Variants in SPATA13 observed in about 807,000 individuals in gnomAD.
SPATA13 encodes the protein spermatogenesis-associated protein 13.
In SPATA13, 50 loss-of-function variants were observed where a neutral mutation model predicts 104.0. That is an observed-to-expected ratio of 0.48 (90% CI 0.38 to 0.61). The LOEUF is 0.61. SPATA13 is among the 20% of genes least tolerant of loss of function. SPATA13 has a pLI of 0.00. For synonymous variants in SPATA13, 606 were observed against 667.5 expected, an observed-to-expected ratio of 0.91 and a Z score of 1.42; for missense variants, 1,524 against 1,690.6, an observed-to-expected ratio of 0.90 and a Z score of 1.73.
At chr13:24,082,849 A>AAG (rs1555260313) in intron 3 of SPATA13, among the ~76,000 whole-genome samples, 2 of 150,994 alleles carry the variant, frequency 1.3e-5, no homozygotes, top group African/African-American at 2.4e-5. Flanking sequence ...AAAAAAAAAA[A>AAG]AAAAATAAGA....
Position 24,251,879 on chromosome 13 carries a change from CT to C in SPATA13, c.2164+20del. 1 of 1,609,506 alleles carries C rather than the reference CT, an allele frequency of 6.2e-7. No individual in the cohort carries two copies. Among genetic ancestry groups the C allele is most frequent in the Non-Finnish European group, 8.5e-7 (1 of 1,176,928 alleles). On this transcript the variant is annotated intron_variant, in intron 4 of 12. Coordinates refer to ENST00000382108, the MANE Select transcript of SPATA13 (RefSeq NM_001166271.3). ...CATCCAACGGTGAGTCTCAGAGTCC[CT>C]TTCCTTTCAGAGCTGCTATGGGCCC...
intron 4 of SPATA13, among the ~76,000 whole-genome samples, chr13:24,268,980 CAT>C (rs377435969): frequency 1.4e-4 from 21 of 152,298 alleles, no homozygotes; most frequent in African/African-American, 5.1e-4. Flanking sequence ...ATATAGTCAA[CAT>C]GTGTGTTATT....
intron 3 of SPATA13, among the ~76,000 whole-genome samples, chr13:24,052,643 G>A (rs1878384372): frequency 1.3e-5 from 2 of 151,532 alleles, no homozygotes; most frequent in African/African-American, 2.4e-5. Context: ...CATGGAAAAT[G>A]GAAAGGATGT....
At chr13:24,278,120 G>C (rs1340568200) in intron 4 of SPATA13, among the ~76,000 whole-genome samples, 1 of 152,136 alleles carries the variant, frequency 6.6e-6, no homozygotes, top group African/African-American at 2.4e-5. Flanking sequence ...CAGGACATAC[G>C]GCTGCTCTCC....
chr13:24,194,150 A>G (rs1324120022), intron 1 of SPATA13, among the ~76,000 whole-genome samples: 1 of 152,128 alleles, frequency 6.6e-6, no homozygotes, highest in Non-Finnish European at 1.5e-5. Context: ...AGACATTGAG[A>G]CACCTTGTAG....
chr13:24,098,780 A>C (rs1477922570), intron 3 of SPATA13, among the ~76,000 whole-genome samples: 3 of 151,680 alleles, frequency 2.0e-5, no homozygotes, highest in Admixed American at 6.6e-5. Flanking sequence ...CACAAAAATT[A>C]GCTGGGCATT....
rs970339457 is a variant in SPATA13, at chr13:24,223,848, C to G, written c.919C>G (p.Arg307Gly). 8.4e-6 allele frequency: 13 copies of G among 1,551,636 alleles called. No individual in the cohort carries two copies. Among genetic ancestry groups the G allele is most frequent in the Non-Finnish European group, 1.1e-5 (13 of 1,147,014 alleles). The part of the protein sequence containing the change: ...SQKLGSGRTK[R>G]WRSPIRAKDF... ...AAAGCTTGGGTCAGGAAGGACCAAA[C>G]GCTGGAGGAGCCCGATAAGGGCCAA... Residue 307 changes from arginine (R) to glycine (G), a missense_variant, in exon 2 of 13, where the codon CGC (arginine) becomes GGC (glycine). This residue lies in a region of SPATA13 where 1,089 missense variants were observed against 1,135.9 expected (regional missense o/e 0.96). Coordinates refer to ENST00000382108, the MANE Select transcript of SPATA13 (RefSeq NM_001166271.3).
chr13:24,160,480 G>C (rs1210646914), upstream of SPATA13, among the ~76,000 whole-genome samples: 1 of 152,144 alleles, frequency 6.6e-6, no homozygotes, highest in African/African-American at 2.4e-5. Flanking sequence ...CTGACCTCAG[G>C]TGATCCGCCC....
intron 2 of SPATA13, among the ~76,000 whole-genome samples, chr13:24,005,021 T>A (rs574123239): frequency 5.3e-5 from 8 of 152,226 alleles, no homozygotes; most frequent in Non-Finnish European, 1.2e-4. Context: ...ACATGGCTAC[T>A]TTTTCATGAC....
At chr13:24,128,849 T>C (rs1235655445) in intron 3 of SPATA13, among the ~76,000 whole-genome samples, 1 of 152,166 alleles carries the variant, frequency 6.6e-6, no homozygotes, top group Non-Finnish European at 1.5e-5. Flanking sequence ...AAGCAAAATG[T>C]CATTTTATTA....
At chr13:24,281,992 A>C (rs1418461522) in intron 4 of SPATA13, among the ~76,000 whole-genome samples, 1 of 152,182 alleles carries the variant, frequency 6.6e-6, no homozygotes, top group Non-Finnish European at 1.5e-5. Context: ...CTACTTCTGC[A>C]GTGTTGATTA....
chr13:24,028,311 G>C (rs112986785), intron 3 of SPATA13, among the ~76,000 whole-genome samples: 97 of 152,214 alleles, frequency 6.4e-4, no homozygotes, highest in African/African-American at 2.3e-3. Context: ...TATCTTGTTG[G>C]TATACTGCTC....
At chr13:24,149,184 C>T (rs1048269239) in intron 3 of SPATA13, among the ~76,000 whole-genome samples, 3 of 152,206 alleles carry the variant, frequency 2.0e-5, no homozygotes, top group Admixed American at 6.5e-5. Flanking sequence ...CATTGCTGAT[C>T]ACTGCAGTGT....
chr13:24,169,033 C>G (rs1339821905), intron 1 of SPATA13, among the ~76,000 whole-genome samples: 1 of 152,174 alleles, frequency 6.6e-6, no homozygotes, highest in Admixed American at 6.5e-5. Flanking sequence ...TAAAACAAAT[C>G]TAAAATCCCC....
intron 3 of SPATA13, among the ~76,000 whole-genome samples, chr13:24,115,458 C>T (rs932799856): frequency 1.3e-5 from 2 of 152,240 alleles, no homozygotes; most frequent in East Asian, 1.9e-4. Context: ...CTCATAGGAG[C>T]GTGAACCCTA....
chr13:24,059,890 G>C (rs970210421), intron 3 of SPATA13, among the ~76,000 whole-genome samples: 12 of 152,234 alleles, frequency 7.9e-5, no homozygotes, highest in Admixed American at 1.3e-4. Flanking sequence ...ATGTTGAATA[G>C]GAGTGGTAAG....
Position 24,161,760 on chromosome 13 carries a change from G to A in SPATA13, c.-112+828G>A, listed in dbSNP as rs976978197. ...TTGCTTCCCAGCATTGCATAGGGAT[G>A]TGGATAAATAGAATAATACTGTGAA... On this transcript the variant is annotated intron_variant, in intron 1 of 12. Transcript: ENST00000382108. This position sits in a 1 kb window ranked among gnomAD's most constrained non-coding sequence, Gnocchi z 4.5. 3.9e-5 allele frequency among the ~76,000 whole-genome samples: 6 copies of A among 152,202 alleles called. No homozygotes were observed. Among genetic ancestry groups the A allele is most frequent in the Non-Finnish European group, 8.8e-5 (6 of 68,038 alleles).
intron 3 of SPATA13, among the ~76,000 whole-genome samples, chr13:24,143,996 G>C (rs11843576): frequency 0.024 from 3,708 of 152,236 alleles, 141 homozygotes; most frequent in African/African-American, 0.084. Context: ...GGCCGCCCAG[G>C]GTTGGCCAGA....
chr13:24,141,168 T>TG (rs112344847), intron 3 of SPATA13, among the ~76,000 whole-genome samples: 1,645 of 118,190 alleles, frequency 0.014, 35 homozygotes, highest in African/African-American at 0.046. Context: ...AGTGAGACTC[T>TG]GGCTCAAAAA....
Sources: allele counts gnomAD v4.1 joint callset (sites outside exome capture counted in the v4.1 genomes callset), GRCh38; gene constraint gnomAD v4.1.1; regional missense constraint gnomAD v4.1.1; non-coding constraint Gnocchi (gnomAD v3.1); transcripts MANE v1.5; gene names NCBI Gene and HGNC (gene_info 2026-07-23, HGNC 2026-07-21).